Variants in EYA4 observed in about 807,000 individuals in gnomAD.
The protein encoded by EYA4 is EYA transcriptional coactivator and phosphatase 4.
Under a neutral mutation model 87.9 loss-of-function variants are expected in EYA4, and 31 were observed. That is an observed-to-expected ratio of 0.35 (90% confidence interval 0.27 to 0.48). The LOEUF (loss-of-function observed/expected upper bound fraction) is 0.48. EYA4 is among the 20% of genes least tolerant of loss of function. EYA4 has a pLI of 0.99. For synonymous variants in EYA4, 263 were observed against 270.6 expected, an observed-to-expected ratio of 0.97 and a Z score of 0.28; for missense variants, 678 against 761.4, an observed-to-expected ratio of 0.89 and a Z score of 1.29.
In EYA4 at chr6:133,460,849, T is replaced by C. The variant is rs572698804; in HGVS notation, c.371-265T>C. Among the ~76,000 whole-genome samples, 4 of 152,258 alleles carry C rather than the reference T, an allele frequency of 2.6e-5. No homozygotes were observed. The South Asian group carries it at 8.3e-4, about 32-fold the overall frequency. ...AAGATATTTATTCATAGCATATTAA[T>C]ATATAAGAGCATGCTAATGATTTGA... On this transcript the variant is annotated intron_variant, in intron 6 of 19. Transcript: ENST00000355286.
At chr6:133,304,473 G>T (rs1438848385) in intron 2 of EYA4, among the ~76,000 whole-genome samples, 1 of 152,118 alleles carries the variant, frequency 6.6e-6, no homozygotes, top group Non-Finnish European at 1.5e-5. Flanking sequence ...AGAAAATTTA[G>T]ACTGAAGGGC....
chr6:133,407,760 C>T (rs962679492), intron 3 of EYA4, among the ~76,000 whole-genome samples: 7 of 152,046 alleles, frequency 4.6e-5, no homozygotes, highest in African/African-American at 1.7e-4. Context: ...AAGAAAAATA[C>T]TGCTGCTATT....
At chr6:133,477,668 AAGG>A (rs981054867) in intron 11 of EYA4, among the ~76,000 whole-genome samples, 2 of 152,014 alleles carry the variant, frequency 1.3e-5, no homozygotes, top group Non-Finnish European at 2.9e-5. Context: ...CAAATGGTTA[AAGG>A]AGGAGTTCTG....
chr6:133,307,091 A>G (rs925346872), intron 2 of EYA4, among the ~76,000 whole-genome samples: 2 of 152,212 alleles, frequency 1.3e-5, no homozygotes, highest in African/African-American at 4.8e-5. Flanking sequence ...ATCTGGGACA[A>G]AGCAAAAGCT....
chr6:133,381,449 A>G (rs1235154510), intron 2 of EYA4, among the ~76,000 whole-genome samples: 1 of 152,138 alleles, frequency 6.6e-6, no homozygotes, highest in Non-Finnish European at 1.5e-5. Flanking sequence ...TACTGTTCAT[A>G]TTGCAATTCA....
At chr6:133,240,801 G>A (rs1351771463), upstream of EYA4, 1 of 152,472 alleles carries the variant, frequency 6.6e-6, no homozygotes, top group Non-Finnish European at 1.5e-5. Flanking sequence ...TCACGTTGTT[G>A]CAAGTAGGCG....
rs1440694833 is a variant in EYA4, at chr6:133,520,667, C to T, written c.1617-2389C>T. ...GTTCATATGGAACCAAAAAAGAGCC[C>T]GCATCGCCAAGTCAATCCTAAGCCA... is the stretch of plus-strand genomic sequence containing the variant. On this transcript the variant is annotated intron_variant, in intron 17 of 19. Coordinates refer to ENST00000355286, the MANE Select transcript of EYA4 (RefSeq NM_004100.5). Among the ~76,000 whole-genome samples, 1,215 of 145,052 alleles carry T rather than the reference C, an allele frequency of 8.4e-3. 18 individuals are homozygous for T. The highest frequency in any genetic ancestry group is 0.029 in the African/African-American group (1,141 of 38,846).
In EYA4 at chr6:133,463,787, T is replaced by A. The variant is rs368992601; in HGVS notation, c.725-992T>A. ...CAAATTTGGGGCTATATTAACATAT[T>A]TGAACCAACTGGTATGACATTTTGG... is the stretch of plus-strand genomic sequence containing the variant. On this transcript the variant is annotated intron_variant, in intron 9 of 19. Transcript: ENST00000355286. Among the ~76,000 whole-genome samples, 48 of 152,306 alleles carry A rather than the reference T, an allele frequency of 3.2e-4. No homozygotes were observed. In the South Asian group the frequency reaches 8.3e-3, roughly 26 times the overall value.
At chr6:133,418,065 GT>G (rs1789895319) in intron 3 of EYA4, among the ~76,000 whole-genome samples, 2 of 152,150 alleles carry the variant, frequency 1.3e-5, no homozygotes, top group African/African-American at 2.4e-5. Flanking sequence ...GGTTTCCTCT[GT>G]TTGACAGCAT....
At chr6:133,494,417 T>C (rs924135678) in intron 13 of EYA4, among the ~76,000 whole-genome samples, 2 of 152,130 alleles carry the variant, frequency 1.3e-5, no homozygotes, top group African/African-American at 4.8e-5. Flanking sequence ...AGGGTAGTTG[T>C]TGAGGGGTGC....
At chr6:133,427,574 A>G (rs1790782461) in intron 3 of EYA4, among the ~76,000 whole-genome samples, 2 of 152,202 alleles carry the variant, frequency 1.3e-5, no homozygotes, top group South Asian at 4.1e-4. Flanking sequence ...TTAAAAGGAA[A>G]AAATTAAAGC....
intron 19 of EYA4, among the ~76,000 whole-genome samples, chr6:133,528,002 T>C (rs540501287): frequency 1.3e-5 from 2 of 152,208 alleles, no homozygotes; most frequent in Non-Finnish European, 2.9e-5. Context: ...TATACTATTA[T>C]AGTATATCTT....
chr6:133,503,839 A>G (rs531242503), intron 13 of EYA4, among the ~76,000 whole-genome samples: 1 of 152,322 alleles, frequency 6.6e-6, no homozygotes, highest in Non-Finnish European at 1.5e-5. Flanking sequence ...TGAAGAAAAA[A>G]GAATTTTATA....
At chr6:133,363,339 T>C (rs1361439299) in intron 2 of EYA4, 1 of 152,282 alleles carries the variant, frequency 6.6e-6, no homozygotes, top group African/African-American at 2.4e-5. Context: ...TATTGCTGAT[T>C]GGAGCCTCTT....
chr6:133,392,354 C>T (rs1269673111), intron 3 of EYA4, among the ~76,000 whole-genome samples: 1 of 152,026 alleles, frequency 6.6e-6, no homozygotes, highest in Non-Finnish European at 1.5e-5. Context: ...TTCAAACATA[C>T]CTGCAGAAAG....
chr6:133,392,090 G>A lies in EYA4; in HGVS notation c.83+9649G>A, dbSNP rs190752417. ...CTTTAAGTGGAGTGGCAGCGAAACT[G>A]CAAAGTAAGAGGAACTCAGTTCCCC... On this transcript the variant is annotated intron_variant, in intron 3 of 19. Coordinates refer to ENST00000355286, the MANE Select transcript of EYA4 (RefSeq NM_004100.5). Among the ~76,000 whole-genome samples the A allele has an allele frequency of 1.3e-3, 204 of 152,256 alleles. 2 individuals carry two copies. Among genetic ancestry groups the A allele is most frequent in the East Asian group, 3.9e-4 (2 of 5,164 alleles).
chr6:133,464,901 G>T (rs943856048), intron 10 of EYA4, 43 bp downstream of exon 10: 3 of 1,337,102 alleles, frequency 2.2e-6, no homozygotes, highest in Non-Finnish European at 3.2e-6. Flanking sequence ...ATGTATTTCA[G>T]ATTTTTGAAG....
intron 2 of EYA4, among the ~76,000 whole-genome samples, chr6:133,300,046 G>A (rs9389067): frequency 0.17 from 25,888 of 151,238 alleles, 2,674 homozygotes; most frequent in East Asian, 0.42. Context: ...TAAACTGTTC[G>A]TTAACACATT....
At chr6:133,476,656 G>T (rs1341896277) in intron 11 of EYA4, among the ~76,000 whole-genome samples, 1 of 151,988 alleles carries the variant, frequency 6.6e-6, no homozygotes, top group Admixed American at 6.6e-5. Flanking sequence ...ATCCATTGAT[G>T]AACACTTAGG....
Sources: allele counts gnomAD v4.1 joint callset (sites outside exome capture counted in the v4.1 genomes callset), GRCh38; gene constraint gnomAD v4.1.1; transcripts MANE v1.5; gene names NCBI Gene and HGNC (gene_info 2026-07-23, HGNC 2026-07-21).